The following STAB2 variants were observed in gnomAD, a reference collection of about 807,000 sequenced individuals.
STAB2 encodes stabilin-2.
STAB2 carries 288 observed loss-of-function variants against 338.1 expected under a neutral mutation model. That is an observed-to-expected ratio of 0.85 (90% confidence interval 0.77 to 0.94). The LOEUF is 0.94. Ranked by LOEUF, STAB2 falls within the 40% of genes least tolerant of loss-of-function variation. The pLI is 0.00. For missense variants in STAB2, 3,141 were observed against 3,210.1 expected (o/e 0.98, Z 0.52); for synonymous variants, 1,202 against 1,193.3 (o/e 1.01, Z -0.15).
chr12:103,646,955 A>G (rs1873381544), intron 9 of STAB2, among the ~76,000 whole-genome samples: 1 of 152,218 alleles, frequency 6.6e-6, no homozygotes, highest in Non-Finnish European at 1.5e-5. Flanking sequence ...TGAGGATGGG[A>G]AAGCATTCCT....
intron 30 of STAB2, among the ~76,000 whole-genome samples, chr12:103,692,575 TTCTCTCTC>T (rs147557353): frequency 6.7e-6 from 1 of 150,198 alleles, no homozygotes; most frequent in African/African-American, 2.4e-5. Context: ...CTCTTTTTCT[TTCTCTCTC>T]TCTCTCTCTG....
chr12:103,707,055 G>A (rs1879433406), intron 38 of STAB2, 68 bp downstream of exon 38: 28 of 1,558,040 alleles, frequency 1.8e-5, no homozygotes, highest in Non-Finnish European at 2.1e-5. Context: ...CAGGGAAAGA[G>A]TGATCCCACA....
At chr12:103,669,112 A>C (rs976365974) in intron 20 of STAB2, 2 of 249,862 alleles carry the variant, frequency 8.0e-6, no homozygotes, top group African/African-American at 4.5e-5. Context: ...ATTAACCAGC[A>C]CTGTCACCAC....
At chr12:103,632,514 T>A (rs1298985653) in intron 6 of STAB2, among the ~76,000 whole-genome samples, 1 of 151,996 alleles carries the variant, frequency 6.6e-6, no homozygotes, top group Non-Finnish European at 1.5e-5. Context: ...GAGCTGAGGC[T>A]GGTGGGTGAG....
chr12:103,744,323 T>TA (rs1882824383), intron 56 of STAB2, among the ~76,000 whole-genome samples: 1 of 151,994 alleles, frequency 6.6e-6, no homozygotes, highest in African/African-American at 2.4e-5. Context: ...TTTTATTTTT[T>TA]AAATTTTTTG....
intron 5 of STAB2, among the ~76,000 whole-genome samples, chr12:103,630,214 A>T (rs1957438456): frequency 6.6e-6 from 1 of 152,252 alleles, no homozygotes; most frequent in South Asian, 2.1e-4. Flanking sequence ...AACATGATAA[A>T]GGCCTCAACA....
At chr12:103,726,196 A>T (rs1221431305) in intron 46 of STAB2, 33 bp downstream of exon 46, 1 of 1,611,976 alleles carries the variant, frequency 6.2e-7, no homozygotes, top group Admixed American at 1.7e-5. Context: ...TAGCCATAAG[A>T]GTTCAGCCTA....
chr12:103,591,172 T>A lies in STAB2; in HGVS notation c.215+142T>A, dbSNP rs77995755. 576 of 1,128,930 alleles carry A rather than the reference T, an allele frequency of 5.1e-4. 3 individuals carry two copies. The African/African-American group carries it at 8.6e-3, about 17-fold the overall frequency. 69.9% of individuals were successfully genotyped at this position (1,128,930 alleles called of 1,614,324 possible). On this transcript the variant is annotated intron_variant, in intron 2 of 68. Transcript: ENST00000388887. ...TTAGGTAACTCACAATTTATGAACTTAAGTCTAAAATATATAAAATATATA... is the reference window on the plus strand; with the variant it reads ...TTAGGTAACTCACAATTTATGAACTAAAGTCTAAAATATATAAAATATATA...
intron 52 of STAB2, among the ~76,000 whole-genome samples, chr12:103,737,007 G>GA (rs1882184300): frequency 6.6e-6 from 1 of 152,180 alleles, no homozygotes; most frequent in African/African-American, 2.4e-5. Flanking sequence ...TGGTACATGT[G>GA]AAAAAAGAAA....
In STAB2 at chr12:103,750,667, A is replaced by G; in HGVS notation, c.6527A>G (p.Gln2176Arg). Residue 2176 changes from glutamine (Q) to arginine (R), a missense_variant, in exon 60 of 69, where the codon CAG becomes CGG. Transcript: ENST00000388887. ...CAGCTGCCCATTGACCGCTGCTTAC[A>G]GGACAATGGGCAGTGCCATGCAGAC... The part of the protein sequence containing the change: ...PEQLPIDRCL[Q>R]DNGQCHADAK... 3 of 1,614,238 alleles carry G rather than the reference A, an allele frequency of 1.9e-6. No individual in the cohort carries two copies. Among genetic ancestry groups the G allele is most frequent in the Non-Finnish European group, 2.5e-6 (3 of 1,180,030 alleles).
Position 103,683,269 on chromosome 12 carries a change from G to A in STAB2, c.2870G>A (p.Cys957Tyr). Reference protein sequence around the residue: ...NGIDCEPITSCLEQTGKCHPL... With the variant: ...NGIDCEPITSYLEQTGKCHPL... Reference sequence around the variant, plus strand: ...ATTGACTGTGAACCAATAACTTCATGCTTGGAACAAACCGGGAAATGTCAT... The same window carrying A: ...ATTGACTGTGAACCAATAACTTCATACTTGGAACAAACCGGGAAATGTCAT... Residue 957 changes from cysteine to tyrosine, a missense_variant, in exon 26 of 69, where the codon TGC (cysteine) becomes TAC (tyrosine). Transcript: ENST00000388887. The A allele has an allele frequency of 6.2e-7, 1 of 1,611,658 alleles. No individual in the cohort carries two copies. The highest frequency in any genetic ancestry group is 8.5e-7 in the Non-Finnish European group (1 of 1,179,110).
At chr12:103,662,797 C>T (rs1397595773) in intron 17 of STAB2, 49 bp from the exon 18 acceptor site, 1 of 1,594,756 alleles carries the variant, frequency 6.3e-7, no homozygotes, top group Non-Finnish European at 8.6e-7. Flanking sequence ...ACTGGCAGTC[C>T]TGCAGTACAG....
intron 25 of STAB2, among the ~76,000 whole-genome samples, chr12:103,679,621 G>C (rs541725026): frequency 6.6e-6 from 1 of 152,254 alleles, no homozygotes; most frequent in South Asian, 2.1e-4. Flanking sequence ...GACAGGGATA[G>C]AAAATCTGTG....
chr12:103,717,851 G>T lies in STAB2; in HGVS notation c.4683+10G>T. ...CAATGTCTGCTTAACTGTGAGTATG[G>T]CTCTAGGGTGGATATCCTTCAAGCC... On this transcript the variant is annotated intron_variant, in intron 44 of 68. Coordinates refer to ENST00000388887, the MANE Select transcript of STAB2 (RefSeq NM_017564.10). 2 of 1,614,008 alleles carry T rather than the reference G, an allele frequency of 1.2e-6. No homozygotes were observed. The highest frequency in any genetic ancestry group is 1.7e-5 in the Admixed American group (1 of 60,022).
At chr12:103,710,343 GAAAT>G (rs78051007) in intron 39 of STAB2, among the ~76,000 whole-genome samples, 5,476 of 152,210 alleles carry the variant, frequency 0.036, 129 homozygotes, top group Non-Finnish European at 0.05. Context: ...TCTAGAAAAG[GAAAT>G]AAATGTTTAG....
intron 52 of STAB2, among the ~76,000 whole-genome samples, chr12:103,736,551 A>G (rs899321078): frequency 5.3e-5 from 8 of 152,258 alleles, no homozygotes; most frequent in African/African-American, 1.9e-4. Flanking sequence ...CAAAATAGAC[A>G]ACTATCAGAG....
At chr12:103,592,895 C>T (rs1006934652) in intron 2 of STAB2, among the ~76,000 whole-genome samples, 2 of 152,180 alleles carry the variant, frequency 1.3e-5, no homozygotes, top group Non-Finnish European at 2.9e-5. Context: ...TTATATTCCT[C>T]ATATAAGTGG....
chr12:103,732,658 T>C (rs970400100), intron 50 of STAB2, among the ~76,000 whole-genome samples: 13 of 152,096 alleles, frequency 8.5e-5, no homozygotes, highest in African/African-American at 3.1e-4. Context: ...TACCAAAATG[T>C]GCAGAGTGTG....
chr12:103,733,630 C>CGATCATATAGAAACTAGCAT (rs1593298184), intron 51 of STAB2, among the ~76,000 whole-genome samples: 1 of 152,016 alleles, frequency 6.6e-6, no homozygotes. Flanking sequence ...CAGAGAAGCA[C>CGATCATATAGAAACTAGCAT]GATCATATAG....
Sources: gnomAD v4.1 joint callset for allele counts (sites outside exome capture counted in the v4.1 genomes callset) on GRCh38, gnomAD v4.1.1 for gene constraint, MANE v1.5 for transcripts, NCBI Gene and HGNC (gene_info 2026-07-23, HGNC 2026-07-21) for gene names.